Variants in ACOT12 observed in about 807,000 individuals in gnomAD.
The protein encoded by ACOT12 is acetyl-coenzyme A thioesterase.
ACOT12 carries 51 observed loss-of-function variants against 67.7 expected under a neutral mutation model. That is an observed-to-expected ratio of 0.75 (90% CI 0.60 to 0.95). ACOT12 has a LOEUF of 0.95. Among genes scored for constraint, ACOT12 ranks in the 40% least tolerant of loss-of-function variants. The pLI, the probability that ACOT12 is intolerant of heterozygous loss-of-function variation, is 0.00. For synonymous variants in ACOT12, 251 were observed against 244.6 expected, an observed-to-expected ratio of 1.03 and a Z score of -0.24; for missense variants, 734 against 708.1, an observed-to-expected ratio of 1.04 and a Z score of -0.41.
chr5:81,331,209 G>A (rs546485004), intron 13 of ACOT12, among the ~76,000 whole-genome samples: 19 of 152,248 alleles, frequency 1.2e-4, no homozygotes, highest in Middle Eastern at 3.4e-3. Flanking sequence ...TATTGTGCCC[G>A]ACAGGGTTGT....
In ACOT12 at chr5:81,332,113, T is replaced by C. The variant is rs111991747; in HGVS notation, c.1391+364A>G. ...GACAGCCCCAGCTGACAACCAGCCA[T>C]GGTGGATGTCTAGCATAGTCAAGCC... On this transcript the variant is annotated intron_variant, in intron 13 of 14. Transcript: ENST00000307624. Among the ~76,000 whole-genome samples the C allele has an allele frequency of 8.7e-3, 1,329 of 152,352 alleles. 16 individuals carry two copies. Among genetic ancestry groups the C allele is most frequent in the African/African-American group, 0.031 (1,278 of 41,578 alleles).
chr5:81,331,264 G>A (rs775290825), intron 13 of ACOT12, among the ~76,000 whole-genome samples: 18 of 152,338 alleles, frequency 1.2e-4, no homozygotes, highest in Non-Finnish European at 1.8e-4. Flanking sequence ...CAGGCCGGGT[G>A]CAGTGGCTCA....
chr5:81,373,375 AC>A (rs1451800245), intron 2 of ACOT12, among the ~76,000 whole-genome samples: 2 of 152,228 alleles, frequency 1.3e-5, no homozygotes, highest in Non-Finnish European at 2.9e-5. Context: ...CAACCCGCAG[AC>A]CAGGAGATTC....
intron 2 of ACOT12, among the ~76,000 whole-genome samples, chr5:81,378,111 C>T (rs1414847104): frequency 1.3e-5 from 2 of 152,176 alleles, no homozygotes; most frequent in East Asian, 3.8e-4. Flanking sequence ...GTCACCAAAA[C>T]AGCATGGTAC....
At chr5:81,393,203 C>A (rs970949600) in intron 1 of ACOT12, among the ~76,000 whole-genome samples, 4 of 152,200 alleles carry the variant, frequency 2.6e-5, no homozygotes, top group African/African-American at 9.7e-5. Flanking sequence ...CAGCAATCCT[C>A]CACTAGCCAG....
intron 3 of ACOT12, among the ~76,000 whole-genome samples, chr5:81,364,552 G>A (rs771483728): frequency 6.6e-6 from 1 of 151,608 alleles, no homozygotes; most frequent in South Asian, 2.1e-4. Flanking sequence ...CTCAGCCTCC[G>A]GAGTAGCTGG....
downstream of ACOT12, among the ~76,000 whole-genome samples, chr5:81,327,087 A>G (rs987737091): frequency 1.6e-4 from 25 of 151,918 alleles, no homozygotes; most frequent in African/African-American, 5.8e-4. Flanking sequence ...CTATGCCAGT[A>G]AAATGTCCAA....
chr5:81,380,487 C>T (rs1371746623), intron 2 of ACOT12, among the ~76,000 whole-genome samples: 1 of 146,778 alleles, frequency 6.8e-6, no homozygotes, highest in African/African-American at 2.6e-5. Flanking sequence ...TCGCTTGAAC[C>T]TGGGAGGCAG....
rs150497513 is a variant in ACOT12, at chr5:81,342,683, T to C, written c.1117A>G (p.Thr373Ala). 3.7e-6 allele frequency: 6 copies of C among 1,614,042 alleles called. No individual in the cohort carries two copies. The African/African-American group carries it at 8.0e-5, about 22-fold the overall frequency. The change falls in exon 11 of 15, where the codon ACT (threonine) becomes GCT (alanine). Residue 373 changes from threonine to alanine, a missense_variant. Transcript: ENST00000307624. ...TGGAAGTGTCCTACCTTTTCCACAGTGCTGGTAACCTCCCAACCCCTTTTG... is the reference window on the plus strand; with the variant it reads ...TGGAAGTGTCCTACCTTTTCCACAGCGCTGGTAACCTCCCAACCCCTTTTG... ...AAKRGWEVTS[T>A]VEKIKIYTLE...
chr5:81,340,518 C>T (rs1357958035), intron 11 of ACOT12, among the ~76,000 whole-genome samples: 1 of 151,948 alleles, frequency 6.6e-6, no homozygotes, highest in Admixed American at 6.6e-5. Context: ...CCTGCCACTG[C>T]CCCTGTCTAA....
chr5:81,344,799 A>T, intron 8 of ACOT12, 92 bp downstream of exon 8: 1 of 1,488,414 alleles, frequency 6.7e-7, no homozygotes. Context: ...AAAGGGAAAG[A>T]GCCAAAGAGG....
At chr5:81,358,441 T>C (rs1307610068) in intron 5 of ACOT12, among the ~76,000 whole-genome samples, 1 of 152,218 alleles carries the variant, frequency 6.6e-6, no homozygotes, top group Non-Finnish European at 1.5e-5. Flanking sequence ...AGCTATTTCA[T>C]TACTTGAGCA....
At position 81,330,852 on chromosome 5, in the gene ACOT12, C is replaced by G; in HGVS notation, c.1480G>C (p.Gly494Arg). The G allele has an allele frequency of 1.9e-6, 3 of 1,613,864 alleles. No individual in the cohort carries two copies. Among genetic ancestry groups the G allele is most frequent in the Non-Finnish European group, 2.5e-6 (3 of 1,179,894 alleles). ...CTGTCAATAGCATGGATGAGAAATC[C>G]GGCACATATGATTTCACTTCTGATG... ...QYIRSEIICAGFLIHAIDSNS... is the reference protein window; with the variant it reads ...QYIRSEIICARFLIHAIDSNS... The change falls in exon 14 of 15, where the codon GGA becomes CGA. Residue 494 changes from glycine (G) to arginine (R), a missense_variant. By Grantham distance (125) the Gly-to-Arg change is moderately radical. Transcript: ENST00000307624.
intron 2 of ACOT12, among the ~76,000 whole-genome samples, chr5:81,376,628 T>C (rs1299348035): frequency 6.6e-6 from 1 of 151,798 alleles, no homozygotes; most frequent in Non-Finnish European, 1.5e-5. Flanking sequence ...AAGAACCAAA[T>C]AGACACAATA....
intron 1 of ACOT12, among the ~76,000 whole-genome samples, chr5:81,387,850 A>T (rs1406124173): frequency 1.3e-5 from 2 of 152,156 alleles, no homozygotes; most frequent in Non-Finnish European, 2.9e-5. Flanking sequence ...CGGCTGAGTT[A>T]TCAATTTTGA....
the ACOT12 span, among the ~76,000 whole-genome samples, chr5:81,324,342 A>T: frequency 5.3e-5 from 8 of 152,154 alleles, no homozygotes; most frequent in Admixed American, 3.3e-4. Context: ...TATATTTTTG[A>T]CAAAAAGCCA....
chr5:81,383,267 T>C (rs1760636907), intron 2 of ACOT12, among the ~76,000 whole-genome samples: 1 of 152,072 alleles, frequency 6.6e-6, no homozygotes, highest in Non-Finnish European at 1.5e-5. Context: ...TAGTCCCAGC[T>C]ACTCGGGAGG....
chr5:81,378,188 T>G (rs1760476023), intron 2 of ACOT12, among the ~76,000 whole-genome samples: 1 of 152,182 alleles, frequency 6.6e-6, no homozygotes, highest in African/African-American at 2.4e-5. Flanking sequence ...ACCACACATC[T>G]ACAACCATCT....
intron 2 of ACOT12, among the ~76,000 whole-genome samples, chr5:81,380,286 A>G (rs1460320357): frequency 6.6e-6 from 1 of 152,118 alleles, no homozygotes; most frequent in African/African-American, 2.4e-5. Flanking sequence ...CACAAAGGCC[A>G]GGCATGGTGG....
Sources: gnomAD v4.1 joint callset for allele counts (sites outside exome capture counted in the v4.1 genomes callset) on GRCh38, gnomAD v4.1.1 for gene constraint, MANE v1.5 for transcripts, NCBI Gene and HGNC (gene_info 2026-07-23, HGNC 2026-07-21) for gene names.